The following TRPM6 variants were observed in gnomAD, a reference collection of about 807,000 sequenced individuals.
The protein encoded by TRPM6 is transient receptor potential cation channel subfamily M member 6.
TRPM6 carries 111 observed loss-of-function variants against 247.6 expected under a neutral mutation model. The ratio of observed to expected loss-of-function variants is 0.45; its 90% CI spans 0.38 to 0.52. The LOEUF (loss-of-function observed/expected upper bound fraction) is 0.52. Ranked by LOEUF, TRPM6 falls within the 20% of genes least tolerant of loss-of-function variation. TRPM6 has a pLI of 0.00. For synonymous variants in TRPM6, 892 were observed against 853.8 expected, an observed-to-expected ratio of 1.04 and a Z score of -0.78; for missense variants, 2,126 against 2,421.5, an observed-to-expected ratio of 0.88 and a Z score of 2.56.
intron 33 of TRPM6, among the ~76,000 whole-genome samples, chr9:74,742,168 C>A (rs779785465): frequency 6.6e-5 from 10 of 152,134 alleles, no homozygotes; most frequent in Non-Finnish European, 1.5e-4. Context: ...AAACAAAAAA[C>A]AATACACAAA....
At chr9:74,866,841 C>T (rs1292206124) in intron 1 of TRPM6, among the ~76,000 whole-genome samples, 2 of 152,130 alleles carry the variant, frequency 1.3e-5, no homozygotes, top group African/African-American at 4.8e-5. Flanking sequence ...AGGATCCTTT[C>T]ATAATCATAA....
intron 17 of TRPM6, among the ~76,000 whole-genome samples, chr9:74,798,159 T>G (rs1334812220): frequency 2.0e-5 from 3 of 152,184 alleles, no homozygotes; most frequent in African/African-American, 4.8e-5. Context: ...AAGCTAAAAG[T>G]AGGCCTTAGT....
chr9:74,784,836 G>T lies in TRPM6; in HGVS notation c.2919+1038C>A, dbSNP rs563964224. On this transcript the variant is annotated intron_variant, in intron 21 of 38. Coordinates refer to ENST00000360774, the MANE Select transcript of TRPM6 (RefSeq NM_017662.5). Reference sequence around the variant, plus strand: ...CTATAAATAATTCCAAGATAGCGAGGCACAATGGCTCATGCCTGTAATCCC... The same window carrying T: ...CTATAAATAATTCCAAGATAGCGAGTCACAATGGCTCATGCCTGTAATCCC... Among the ~76,000 whole-genome samples the T allele has an allele frequency of 4.6e-5, 7 of 152,316 alleles. No individual in the cohort carries two copies. The South Asian group carries it at 1.2e-3, about 27-fold the overall frequency.
Position 74,818,293 on chromosome 9 carries a change from C to CTTT in TRPM6, c.1135-1332_1135-1330dup, listed in dbSNP as rs1161401022. Among the ~76,000 whole-genome samples the CTTT allele has an allele frequency of 6.7e-3, 479 of 72,028 alleles. 62 individuals carry two copies. The highest frequency in any genetic ancestry group is 9.8e-3 in the South Asian group (20 of 2,040). 47.3% of individuals were successfully genotyped at this position (72,028 alleles called of 152,430 possible). On this transcript the variant is annotated intron_variant, in intron 9 of 38. Transcript: ENST00000360774. ...AACTCACGTTTCAGATCTATCATTT[C>CTTT]TTTTTTTTTTTTTTTTTTTTTTTTT...
At chr9:74,758,406 A>G (rs751432961) in intron 27 of TRPM6, among the ~76,000 whole-genome samples, 1 of 152,194 alleles carries the variant, frequency 6.6e-6, no homozygotes, top group Non-Finnish European at 1.5e-5. Flanking sequence ...TGAATACAAT[A>G]TGAAAAAAAA....
In TRPM6 at chr9:74,800,377, C is replaced by T. The variant is rs763578077; in HGVS notation, c.2115G>A (p.Ser705=). The T allele has an allele frequency of 3.1e-6, 5 of 1,613,940 alleles. No homozygotes were observed. The Admixed American group carries it at 5.0e-5, about 16-fold the overall frequency. The part of the protein sequence containing the change: ...LTYELRNWSN[S]TCLKLAVSGG... Reference sequence around the variant, plus strand: ...CCGACACGGCCAGTTTAAGGCAGGTCGAATTGCTCCAGTTCCTGAGTTCAT... The same window carrying T: ...CCGACACGGCCAGTTTAAGGCAGGTTGAATTGCTCCAGTTCCTGAGTTCAT... Residue 705 remains serine, a synonymous_variant, in exon 17 of 39, where the codon TCG becomes TCA. Transcript: ENST00000360774.
chr9:74,860,371 G>A (rs932990699), intron 1 of TRPM6, among the ~76,000 whole-genome samples: 2 of 151,782 alleles, frequency 1.3e-5, no homozygotes, highest in Non-Finnish European at 2.9e-5. Flanking sequence ...TTGAGACGGA[G>A]TCTTGCTCTG....
In TRPM6 at chr9:74,785,835, A is replaced by T. The variant is rs1337682988; in HGVS notation, c.2919+39T>A. Reference sequence around the variant, plus strand: ...ACCACACCTGGCTAAAAATAATTTTAAAAAAGAATACCAGGATATAAAACT... The same window carrying T: ...ACCACACCTGGCTAAAAATAATTTTTAAAAAGAATACCAGGATATAAAACT... On this transcript the variant is annotated intron_variant, in intron 21 of 38. Transcript: ENST00000360774. 4 of 1,612,578 alleles carry T rather than the reference A, an allele frequency of 2.5e-6. No individual in the cohort carries two copies. The African/African-American group carries it at 4.0e-5, about 16-fold the overall frequency.
intron 3 of TRPM6, among the ~76,000 whole-genome samples, chr9:74,851,320 A>C (rs185849508): frequency 1.3e-5 from 2 of 152,250 alleles, no homozygotes; most frequent in Admixed American, 1.3e-4. Flanking sequence ...TTGTTTTATA[A>C]ATTCAGTAAA....
chr9:74,802,272 T>C (rs1424971817), intron 15 of TRPM6, 97 bp from the exon 16 acceptor site: 1 of 1,103,810 alleles, frequency 9.1e-7, no homozygotes, highest in Non-Finnish European at 1.3e-6. Flanking sequence ...TTTTTTTTAA[T>C]CACTACTAAA....
chr9:74,829,418 C>T (rs1244884125), intron 6 of TRPM6, among the ~76,000 whole-genome samples: 2 of 152,146 alleles, frequency 1.3e-5, no homozygotes, highest in African/African-American at 4.8e-5. Context: ...TTCGTATTTG[C>T]TTTTAGAGGC....
At chr9:74,760,448 A>T (rs1587477485) in intron 27 of TRPM6, among the ~76,000 whole-genome samples, 1 of 152,344 alleles carries the variant, frequency 6.6e-6, no homozygotes, top group Middle Eastern at 3.4e-3. Context: ...GTGGTAGGTT[A>T]GACCATCTAG....
chr9:74,739,255 A>C, intron 35 of TRPM6, 112 bp downstream of exon 35: 1 of 1,066,278 alleles, frequency 9.4e-7, no homozygotes, highest in South Asian at 1.3e-5. Flanking sequence ...ATCCAAAAAT[A>C]AGATCATGGG....
chr9:74,744,951 C>A (rs1260936355), intron 31 of TRPM6, among the ~76,000 whole-genome samples: 1 of 152,108 alleles, frequency 6.6e-6, no homozygotes, highest in African/African-American at 2.4e-5. Context: ...AAAGTAAGAT[C>A]AGCAGAAAAG....
At chr9:74,842,696 A>T (rs866978114) in intron 3 of TRPM6, among the ~76,000 whole-genome samples, 2 of 152,260 alleles carry the variant, frequency 1.3e-5, no homozygotes, top group African/African-American at 4.8e-5. Flanking sequence ...TTATGCTGAC[A>T]CTATTAAGTG....
chr9:74,820,131 G>A lies in TRPM6; in HGVS notation c.1134+173C>T, dbSNP rs916209336. Reference sequence around the variant, plus strand: ...ATCACTTAGGTATTAAGATCTCCATGCATTAGCTATTTATCCTGATTTTCT... The same window carrying A: ...ATCACTTAGGTATTAAGATCTCCATACATTAGCTATTTATCCTGATTTTCT... On this transcript the variant is annotated intron_variant, in intron 9 of 38. Transcript: ENST00000360774. The A allele has an allele frequency of 9.7e-5, 66 of 677,360 alleles. No homozygotes were observed. The Admixed American group carries it at 1.5e-3, about 15-fold the overall frequency. The allele number at this position is 677,360 out of a possible 1,614,324, so 42.0% of individuals were successfully genotyped here. A position where few individuals can be genotyped will look rare whatever the true frequency, so the allele number is the denominator to read the frequency against.
At chr9:74,816,985 G>A in intron 9 of TRPM6, 21 bp from the exon 10 acceptor site, 1 of 1,606,194 alleles carries the variant, frequency 6.2e-7, no homozygotes. Context: ...GAAAAACAGA[G>A]AGCCATACAT....
At chr9:74,850,350 C>T (rs578095506) in intron 3 of TRPM6, among the ~76,000 whole-genome samples, 10 of 151,850 alleles carry the variant, frequency 6.6e-5, no homozygotes, top group Admixed American at 2.6e-4. Context: ...CCAGCCTGGG[C>T]GACAGAGGGA....
At chr9:74,755,268 G>C in intron 28 of TRPM6, 85 bp downstream of exon 28, 2 of 1,402,008 alleles carry the variant, frequency 1.4e-6, no homozygotes, top group Non-Finnish European at 2.0e-6. Flanking sequence ...TGAAAGAACA[G>C]GAGGAACCGC....
Sources: allele counts gnomAD v4.1 joint callset (sites outside exome capture counted in the v4.1 genomes callset), GRCh38; gene constraint gnomAD v4.1.1; transcripts MANE v1.5; gene names NCBI Gene and HGNC (gene_info 2026-07-23, HGNC 2026-07-21).